Variants in RHPN2 observed in about 807,000 individuals in gnomAD.
RHPN2 encodes rhophilin-2.
Under a neutral mutation model 79.0 loss-of-function variants are expected in RHPN2, and 40 were observed. The observed-to-expected ratio is 0.51, with a 90% CI of 0.39 to 0.66. The LOEUF (loss-of-function observed/expected upper bound fraction) is 0.66. Ranked by LOEUF, RHPN2 falls within the 30% of genes least tolerant of loss-of-function variation. The probability of loss-of-function intolerance (pLI) is 0.00; values close to 1 mark genes in which losing one functional copy is unlikely to be tolerated. For synonymous variants in RHPN2, 285 were observed against 363.5 expected (o/e 0.78, Z 2.46); for missense variants, 686 against 883.5 (o/e 0.78, Z 2.83).
chr19:33,042,877 G>A (rs989956270), intron 2 of RHPN2, among the ~76,000 whole-genome samples: 2 of 152,012 alleles, frequency 1.3e-5, no homozygotes, highest in Non-Finnish European at 2.9e-5. Context: ...TCAGGAGTTC[G>A]AGACCAGCCT....
chr19:33,030,925 G>A (rs1467690004), intron 2 of RHPN2, among the ~76,000 whole-genome samples: 1 of 152,176 alleles, frequency 6.6e-6, no homozygotes, highest in Non-Finnish European at 1.5e-5. Flanking sequence ...GAGAGAGGGG[G>A]ATACTTGTGC....
At chr19:33,020,634 G>A (rs1487978130) in intron 4 of RHPN2, among the ~76,000 whole-genome samples, 1 of 152,000 alleles carries the variant, frequency 6.6e-6, no homozygotes, top group Non-Finnish European at 1.5e-5. Context: ...CAAGTAACTG[G>A]GATTACAGGT....
chr19:33,014,550 C>G (rs1335865812), intron 4 of RHPN2, among the ~76,000 whole-genome samples: 1 of 152,086 alleles, frequency 6.6e-6, no homozygotes, highest in Non-Finnish European at 1.5e-5. Flanking sequence ...AGGTGATCCT[C>G]CCACCTCAGC....
intron 2 of RHPN2, among the ~76,000 whole-genome samples, chr19:33,032,645 G>A (rs80030241): frequency 0.017 from 2,607 of 152,200 alleles, 35 homozygotes; most frequent in African/African-American, 0.046. Flanking sequence ...CACACCACAG[G>A]TCACAATCTG....
chr19:33,038,781 C>A (rs537828843), intron 2 of RHPN2, among the ~76,000 whole-genome samples: 1 of 152,312 alleles, frequency 6.6e-6, no homozygotes, highest in South Asian at 2.1e-4. Flanking sequence ...CCTCAGCCTC[C>A]CGAGTAGCTG....
chr19:33,034,333 C>T (rs1009662213), intron 2 of RHPN2, among the ~76,000 whole-genome samples: 3 of 150,930 alleles, frequency 2.0e-5, no homozygotes, highest in Admixed American at 1.3e-4. Flanking sequence ...TGGCCGGGCG[C>T]GGTGGCTCAT....
intron 14 of RHPN2, among the ~76,000 whole-genome samples, chr19:32,986,529 C>T (rs1307603298): frequency 6.6e-6 from 1 of 152,152 alleles, no homozygotes; most frequent in African/African-American, 2.4e-5. Flanking sequence ...GGTGAGGTGG[C>T]TCACGCCTGT....
In RHPN2 at chr19:32,996,340, G is replaced by A. The variant is rs1266814185; in HGVS notation, c.1226-120C>T. ...TCTAAAGGATCTGCCTGGATAGCTAGAGCCTGTGATACCCTACCTTGTTTT... is the reference window on the plus strand; with the variant it reads ...TCTAAAGGATCTGCCTGGATAGCTAAAGCCTGTGATACCCTACCTTGTTTT... On this transcript the variant is annotated intron_variant, in intron 10 of 14. Transcript: ENST00000254260. 2.8e-5 allele frequency: 28 copies of A among 987,532 alleles called. 1 individual carries two copies. Among genetic ancestry groups the A allele is most frequent in the African/African-American group, 1.5e-4 (9 of 61,720 alleles). 61.2% of individuals were successfully genotyped at this position (987,532 alleles called of 1,614,324 possible). A position where few individuals can be genotyped will look rare whatever the true frequency, so the allele number is the denominator to read the frequency against.
At chr19:33,032,873 G>A (rs1348164101) in intron 2 of RHPN2, among the ~76,000 whole-genome samples, 1 of 152,122 alleles carries the variant, frequency 6.6e-6, no homozygotes, top group Admixed American at 6.6e-5. Context: ...AGGAAGCTCA[G>A]AGACAAACCA....
At chr19:33,024,608 T>C (rs1971951739) in intron 3 of RHPN2, among the ~76,000 whole-genome samples, 1 of 152,144 alleles carries the variant, frequency 6.6e-6, no homozygotes, top group African/African-American at 2.4e-5. Flanking sequence ...ACACATTCCA[T>C]AGGTGACTCA....
chr19:33,058,330 G>A (rs1972250981), intron 1 of RHPN2, among the ~76,000 whole-genome samples: 2 of 152,234 alleles, frequency 1.3e-5, no homozygotes, highest in Admixed American at 1.3e-4. Context: ...AACCTGAGGA[G>A]GGGTCAGGCA....
intron 7 of RHPN2, among the ~76,000 whole-genome samples, chr19:33,007,261 C>T (rs555950291): frequency 2.0e-5 from 3 of 149,842 alleles, no homozygotes; most frequent in Non-Finnish European, 3.0e-5. Context: ...CTGAGGCAGG[C>T]GGAACACCTG....
intron 14 of RHPN2, among the ~76,000 whole-genome samples, chr19:32,983,319 G>C (rs553402467): frequency 1.3e-5 from 2 of 151,898 alleles, no homozygotes; most frequent in Non-Finnish European, 1.5e-5. Context: ...GAGACCATCG[G>C]GGCTAACATG....
At chr19:32,989,145 T>A (rs1357962656) in intron 14 of RHPN2, among the ~76,000 whole-genome samples, 2 of 152,188 alleles carry the variant, frequency 1.3e-5, no homozygotes, top group Non-Finnish European at 2.9e-5. Context: ...AGTCTCACTC[T>A]GTTGCCCAGG....
At chr19:32,993,642 C>T (rs1971678146) in intron 12 of RHPN2, among the ~76,000 whole-genome samples, 1 of 151,930 alleles carries the variant, frequency 6.6e-6, no homozygotes, top group East Asian at 1.9e-4. Flanking sequence ...TGGGGCCTCT[C>T]GAGAGGTGAT....
chr19:33,021,709 C>G (rs1971925702), intron 3 of RHPN2, 63 bp from the exon 4 acceptor site: 5 of 1,304,696 alleles, frequency 3.8e-6, no homozygotes, highest in Non-Finnish European at 4.3e-6. Flanking sequence ...CACCCCACGG[C>G]CTTGCCCTCA....
At chr19:33,024,711 C>T (rs1470892921) in intron 3 of RHPN2, among the ~76,000 whole-genome samples, 2 of 152,200 alleles carry the variant, frequency 1.3e-5, no homozygotes, top group South Asian at 2.1e-4. Flanking sequence ...TGAAGAAGCA[C>T]GTAAACCCTT....
intron 7 of RHPN2, 128 bp from the exon 8 acceptor site, chr19:33,003,128 G>T: frequency 2.5e-6 from 2 of 788,466 alleles, no homozygotes; most frequent in Non-Finnish European, 2.1e-6. Flanking sequence ...GGAGGCCGAA[G>T]TGAGCAGATC....
At chr19:33,032,574 G>A (rs1031043143) in intron 2 of RHPN2, among the ~76,000 whole-genome samples, 2 of 152,014 alleles carry the variant, frequency 1.3e-5, no homozygotes, top group Admixed American at 1.3e-4. Flanking sequence ...ACAGGAACAG[G>A]ACAAAGACCA....
Sources: gnomAD v4.1 joint callset for allele counts (sites outside exome capture counted in the v4.1 genomes callset) on GRCh38, gnomAD v4.1.1 for gene constraint, MANE v1.5 for transcripts, NCBI Gene and HGNC (gene_info 2026-07-23, HGNC 2026-07-21) for gene names.